Variants in CNTNAP5 observed in about 807,000 individuals in gnomAD.
CNTNAP5 encodes contactin associated protein family member 5, also known as contactin-associated protein-like 5.
CNTNAP5 carries 72 observed loss-of-function variants against 150.2 expected under a neutral mutation model. That is an observed-to-expected ratio of 0.48 (90% confidence interval 0.40 to 0.58). CNTNAP5 has a LOEUF of 0.58. Ranked by LOEUF, CNTNAP5 falls within the 20% of genes least tolerant of loss-of-function variation. The pLI, the probability that CNTNAP5 is intolerant of heterozygous loss-of-function variation, is 0.00. For synonymous variants in CNTNAP5, 672 were observed against 619.8 expected, an observed-to-expected ratio of 1.08 and a Z score of -1.25; for missense variants, 1,636 against 1,626.2, an observed-to-expected ratio of 1.01 and a Z score of -0.10.
At chr2:124,135,121 C>A (rs1683944770) in intron 1 of CNTNAP5, 1 of 152,146 alleles carries the variant, frequency 6.6e-6, no homozygotes, top group Non-Finnish European at 1.5e-5. Context: ...GCCTGGAGAA[C>A]AAGAAGTAAG....
chr2:124,479,589 C>A (rs999927222), intron 7 of CNTNAP5, among the ~76,000 whole-genome samples: 1 of 152,118 alleles, frequency 6.6e-6, no homozygotes, highest in Non-Finnish European at 1.5e-5. Flanking sequence ...ATTTCTGTAC[C>A]TTTGTTTCCA....
intron 13 of CNTNAP5, among the ~76,000 whole-genome samples, chr2:124,652,874 G>A (rs1678352327): frequency 6.6e-6 from 1 of 152,200 alleles, no homozygotes; most frequent in Non-Finnish European, 1.5e-5. Flanking sequence ...GTAAAGCTGT[G>A]ACCTCTTGCA....
Position 124,896,765 on chromosome 2 carries a change from A to C in CNTNAP5, c.3437-6117A>C, listed in dbSNP as rs369776554. On this transcript the variant is annotated intron_variant, in intron 21 of 23. Transcript: ENST00000682447. ...TGTTGGCCAGGCTGGTCTCGAACTC[A>C]TGACTTCAGGTGATCCACACGCTTC... Among the ~76,000 whole-genome samples the C allele has an allele frequency of 2.2e-3, 339 of 151,460 alleles. 18 individuals are homozygous for C. Among genetic ancestry groups the C allele is most frequent in the African/African-American group, 7.9e-3 (324 of 40,912 alleles).
chr2:124,468,182 T>A (rs1043866467), intron 6 of CNTNAP5, among the ~76,000 whole-genome samples: 2 of 152,128 alleles, frequency 1.3e-5, no homozygotes, highest in Non-Finnish European at 2.9e-5. Context: ...CATGTATATA[T>A]TAAAGGGGTT....
intron 19 of CNTNAP5, among the ~76,000 whole-genome samples, chr2:124,822,109 G>C (rs372238355): frequency 2.6e-5 from 4 of 152,192 alleles, no homozygotes; most frequent in African/African-American, 7.2e-5. Context: ...CTGTCTGCTT[G>C]ACTTTCAGTT....
At chr2:124,500,807 T>C (rs921768303) in intron 7 of CNTNAP5, among the ~76,000 whole-genome samples, 1 of 152,128 alleles carries the variant, frequency 6.6e-6, no homozygotes, top group Non-Finnish European at 1.5e-5. Context: ...AGTGAAAATA[T>C]AGGGCACTAA....
chr2:124,762,495 A>G (rs1680979959), intron 14 of CNTNAP5, among the ~76,000 whole-genome samples: 1 of 152,144 alleles, frequency 6.6e-6, no homozygotes, highest in Non-Finnish European at 1.5e-5. Flanking sequence ...TAGAACTAAA[A>G]TAAGTGTCAC....
At chr2:124,805,193 G>A (rs892501310) in intron 19 of CNTNAP5, among the ~76,000 whole-genome samples, 1 of 152,130 alleles carries the variant, frequency 6.6e-6, no homozygotes, top group Non-Finnish European at 1.5e-5. Flanking sequence ...TCTAGTCACA[G>A]GAAACAGATT....
chr2:124,816,588 C>T (rs1313250394), intron 19 of CNTNAP5, among the ~76,000 whole-genome samples: 3 of 146,264 alleles, frequency 2.1e-5, no homozygotes, highest in Non-Finnish European at 4.5e-5. Context: ...AGTGATTCTT[C>T]TGCCTCAGCC....
At chr2:124,476,790 G>T (rs1350107080) in intron 7 of CNTNAP5, among the ~76,000 whole-genome samples, 1 of 152,048 alleles carries the variant, frequency 6.6e-6, no homozygotes, top group Non-Finnish European at 1.5e-5. Context: ...ATGGCATTTG[G>T]CTTAGGGAGA....
At chr2:124,238,893 A>G (rs1022087855) in intron 2 of CNTNAP5, among the ~76,000 whole-genome samples, 2 of 152,198 alleles carry the variant, frequency 1.3e-5, no homozygotes, top group Non-Finnish European at 2.9e-5. Context: ...CATAGCAACC[A>G]TGGCAACCCT....
rs7592266 is a variant in CNTNAP5 at position 124,070,536 on chromosome 2, C to T, written c.82+44804C>T. ...TGCTAATGGAAACCAATAAAAAGAG[C>T]AGGAGTAGCTATACTGGCATCAGAC... On this transcript the variant is annotated intron_variant, in intron 1 of 23. Coordinates refer to ENST00000682447, the MANE Select transcript of CNTNAP5 (RefSeq NM_001367498.1). Among the ~76,000 whole-genome samples the T allele has an allele frequency of 3.1e-3, 474 of 151,040 alleles. 7 individuals are homozygous for T. The highest frequency in any genetic ancestry group is 0.011 in the African/African-American group (457 of 41,152).
At chr2:124,123,848 T>C (rs1190385797) in intron 1 of CNTNAP5, among the ~76,000 whole-genome samples, 1 of 152,208 alleles carries the variant, frequency 6.6e-6, no homozygotes, top group Non-Finnish European at 1.5e-5. Context: ...GGGTTCTGAC[T>C]GTTAGAAGGA....
At chr2:124,237,979 G>T (rs1446651198) in intron 2 of CNTNAP5, among the ~76,000 whole-genome samples, 3 of 152,146 alleles carry the variant, frequency 2.0e-5, no homozygotes, top group Non-Finnish European at 4.4e-5. Context: ...GGGTTGGAGT[G>T]CAGTCTTTAG....
chr2:124,060,627 G>A (rs558094952), intron 1 of CNTNAP5, among the ~76,000 whole-genome samples: 1 of 152,246 alleles, frequency 6.6e-6, no homozygotes, highest in Non-Finnish European at 1.5e-5. Flanking sequence ...TCTGACATTG[G>A]GCAGGCTTTA....
At chr2:124,167,770 T>A (rs991916748) in intron 1 of CNTNAP5, among the ~76,000 whole-genome samples, 1 of 152,160 alleles carries the variant, frequency 6.6e-6, no homozygotes, top group African/African-American at 2.4e-5. Flanking sequence ...AAAGGTCACA[T>A]ATACAAAGAA....
intron 3 of CNTNAP5, among the ~76,000 whole-genome samples, chr2:124,373,228 C>T (rs536441601): frequency 1.1e-4 from 17 of 152,052 alleles, no homozygotes; most frequent in Non-Finnish European, 1.8e-4. Context: ...GAAATGATGA[C>T]GAGAACTATT....
In CNTNAP5 at chr2:124,211,319, A is replaced by C. The variant is rs138827801; in HGVS notation, c.83-10386A>C. On this transcript the variant is annotated intron_variant, in intron 1 of 23. Transcript: ENST00000682447. ...AAATTCATCTATTTATCTGCCTATC[A>C]TCGATTTAGATATTTTACATGAATT... Among the ~76,000 whole-genome samples, 1,305 of 152,296 alleles carry C rather than the reference A, an allele frequency of 8.6e-3. 9 individuals are homozygous for C. Among genetic ancestry groups the C allele is most frequent in the Non-Finnish European group, 0.013 (916 of 68,016 alleles).
At chr2:124,555,092 C>T in intron 10 of CNTNAP5, among the ~76,000 whole-genome samples, 1 of 146,642 alleles carries the variant, frequency 6.8e-6, no homozygotes, top group East Asian at 1.9e-4. Flanking sequence ...CATAAATATG[C>T]TCTAGTATTT....
Sources: allele counts gnomAD v4.1 joint callset (sites outside exome capture counted in the v4.1 genomes callset), GRCh38; gene constraint gnomAD v4.1.1; transcripts MANE v1.5; gene names NCBI Gene and HGNC (gene_info 2026-07-23, HGNC 2026-07-21).